The following KCNG1 variants were observed in gnomAD, a reference collection of about 807,000 sequenced individuals.
KCNG1 encodes voltage-gated potassium channel regulatory subunit KCNG1.
In KCNG1, 17 loss-of-function variants were observed where a neutral mutation model predicts 32.4. The ratio of observed to expected loss-of-function variants is 0.52; its 90% confidence interval spans 0.36 to 0.79. The LOEUF (loss-of-function observed/expected upper bound fraction) is 0.79, where lower values mean the gene tolerates loss of function less well. Among genes scored for constraint, KCNG1 ranks in the 30% least tolerant of loss-of-function variants. KCNG1 has a pLI of 0.00. For missense variants in KCNG1, 441 were observed against 735.2 expected, an observed-to-expected ratio of 0.60 and a Z score of 4.63; for synonymous variants, 358 against 339.9, an observed-to-expected ratio of 1.05 and a Z score of -0.59.
intron 1 of KCNG1, among the ~76,000 whole-genome samples, chr20:51,021,535 G>T (rs201573546): frequency 6.6e-6 from 1 of 152,120 alleles, no homozygotes; most frequent in African/African-American, 2.4e-5. Flanking sequence ...ACACACTAAT[G>T]AATAAACCTC....
In KCNG1 at chr20:51,011,054, G is replaced by A. The variant is rs568076297; in HGVS notation, c.-26-690C>T. On this transcript the variant is annotated intron_variant, in intron 1 of 2. Transcript: ENST00000371571. ...GCGCCCTGCTCTCAGACTTGCAGCC[G>A]GCAGAACTGGGAGAAATAAGTGTTG... is the stretch of plus-strand genomic sequence containing the variant. Among the ~76,000 whole-genome samples, 90 of 152,286 alleles carry A rather than the reference G, an allele frequency of 5.9e-4. 1 individual carries two copies. The South Asian group carries it at 0.017, about 29-fold the overall frequency.
At position 51,009,922 on chromosome 20, in the gene KCNG1, C is replaced by T. The variant is rs34416332; in HGVS notation, c.417G>A (p.Leu139=). Reference sequence around the variant, plus strand: ...GGAAGGACAGCGCGCACATCTCGCGCAGCAGCCGCAGCTTGCCCGCGCGCA... The same window carrying T: ...GGAAGGACAGCGCGCACATCTCGCGTAGCAGCCGCAGCTTGCCCGCGCGCA... ...TFLRAGKLRL[L]REMCALSFQE... The change falls in exon 2 of 3, where the codon CTG becomes CTA. Residue 139 remains leucine, a synonymous_variant. Coordinates refer to ENST00000371571, the MANE Select transcript of KCNG1 (RefSeq NM_002237.4). The T allele has an allele frequency of 1.4e-3, 2,312 of 1,613,616 alleles. 27 individuals are homozygous for T. The African/African-American group carries it at 0.027, about 19-fold the overall frequency.
chr20:51,004,685 C>A lies in KCNG1; in HGVS notation c.896G>T (p.Ser299Ile). ...CACCAGGTCGATCAGCGTCAGCGGG[C>A]TCCGCAGGAAGGCGAACTTGCTGGG... ...QAPSKFAFLR[S>I]PLTLIDLVAI... The change falls in exon 3 of 3, where the codon AGC (serine) becomes ATC (isoleucine). Residue 299 changes from serine to isoleucine, a missense_variant. This residue lies in a region of KCNG1 where 169 missense variants were observed against 297.7 expected (regional missense o/e 0.57). Coordinates refer to ENST00000371571, the MANE Select transcript of KCNG1 (RefSeq NM_002237.4). This position sits in a 1 kb window ranked among gnomAD's most constrained non-coding sequence, Gnocchi z 4.3. The A allele has an allele frequency of 6.2e-7, 1 of 1,601,940 alleles. No homozygotes were observed. Among genetic ancestry groups the A allele is most frequent in the Non-Finnish European group, 8.5e-7 (1 of 1,174,276 alleles).
In KCNG1 at chr20:51,010,906, AC is replaced by A. The variant is rs1988063955; in HGVS notation, c.-26-543del. ...CAAGACTCCATCTCAAAAAATAAAA[AC>A]AAAACAAAACAAAACAAAACAAAAA... On this transcript the variant is annotated intron_variant, in intron 1 of 2. Coordinates refer to ENST00000371571, the MANE Select transcript of KCNG1 (RefSeq NM_002237.4). 2.0e-5 allele frequency among the ~76,000 whole-genome samples: 3 copies of A among 146,604 alleles called. No homozygotes were observed. The South Asian group carries it at 6.5e-4, about 32-fold the overall frequency.
In KCNG1 at chr20:51,009,868, C is replaced by A; in HGVS notation, c.471G>T (p.Ala157=). 1 of 1,613,494 alleles carries A rather than the reference C, an allele frequency of 6.2e-7. No individual in the cohort carries two copies. The highest frequency in any genetic ancestry group is 1.3e-5 in the African/African-American group (1 of 75,060). Residue 157 remains alanine, a synonymous_variant, in exon 2 of 3, where the codon GCG becomes GCT. Transcript: ENST00000371571. ...TGCAGCAGCCGTCCAGGTGGTCCTC[C>A]GCGATGCCCCAGTACAGCAGCTCCT... The part of the protein sequence containing the change: ...FQEELLYWGI[A]EDHLDGCCKR...
intron 2 of KCNG1, chr20:51,007,004 C>G (rs1359745921): frequency 6.6e-6 from 1 of 152,304 alleles, no homozygotes; most frequent in African/African-American, 2.4e-5. Flanking sequence ...GAATTCAGGC[C>G]ATCTGGCTCT....
At chr20:51,011,899 C>A (rs1352928165) in intron 1 of KCNG1, among the ~76,000 whole-genome samples, 1 of 152,210 alleles carries the variant, frequency 6.6e-6, no homozygotes, top group Admixed American at 6.5e-5. Flanking sequence ...CGGGTTCAAG[C>A]AATTCTCGTG....
chr20:51,015,403 G>T lies in KCNG1; in HGVS notation c.-26-5039C>A, dbSNP rs1350985782. On this transcript the variant is annotated intron_variant, in intron 1 of 2. Transcript: ENST00000371571. This position sits in a 1 kb window ranked among gnomAD's most constrained non-coding sequence, Gnocchi z 4.4. ...CTGGCAAAATCCAGGAGAGAGGGGGGAGATGGGTGTCTCCCAAGGACGGTG... is the reference window on the plus strand; with the variant it reads ...CTGGCAAAATCCAGGAGAGAGGGGGTAGATGGGTGTCTCCCAAGGACGGTG... 6.6e-6 allele frequency among the ~76,000 whole-genome samples: 1 copy of T among 152,214 alleles called. No homozygotes were observed. The highest frequency in any genetic ancestry group is 1.5e-5 in the Non-Finnish European group (1 of 68,034).
At chr20:51,017,934 AG>A (rs1988338850) in intron 1 of KCNG1, among the ~76,000 whole-genome samples, 1 of 152,220 alleles carries the variant, frequency 6.6e-6, no homozygotes. Context: ...ATTTCCATTC[AG>A]GAGCCCAGAG....
rs1253634255 is a variant in KCNG1 at position 51,015,112 on chromosome 20, G to A, written c.-26-4748C>T. Among the ~76,000 whole-genome samples, 1 of 152,158 alleles carries A rather than the reference G, an allele frequency of 6.6e-6. No homozygotes were observed. Among genetic ancestry groups the A allele is most frequent in the Non-Finnish European group, 1.5e-5 (1 of 68,026 alleles). ...GTCAGTGGACAACGAGTGGGCTGGGGAGCCCAGGCTGGAGGCTATGGAAGT... is the reference window on the plus strand; with the variant it reads ...GTCAGTGGACAACGAGTGGGCTGGGAAGCCCAGGCTGGAGGCTATGGAAGT... On this transcript the variant is annotated intron_variant, in intron 1 of 2. Coordinates refer to ENST00000371571, the MANE Select transcript of KCNG1 (RefSeq NM_002237.4). The surrounding 1 kb of genome is among the most constrained non-coding windows in gnomAD (Gnocchi z 4.4).
chr20:51,020,471 A>G (rs543627436), intron 1 of KCNG1, among the ~76,000 whole-genome samples: 15 of 152,284 alleles, frequency 9.9e-5, no homozygotes, highest in African/African-American at 3.4e-4. Context: ...ATTTGTAGCA[A>G]AGTCACTTCA....
intron 2 of KCNG1, chr20:51,006,720 C>T (rs1246201374): frequency 1.3e-5 from 2 of 152,232 alleles, no homozygotes; most frequent in Non-Finnish European, 2.9e-5. Flanking sequence ...TTAGTAGAGA[C>T]AGGGTTTCTC....
In KCNG1 at chr20:51,004,346, G is replaced by A; in HGVS notation, c.1235C>T (p.Pro412Leu). ...GATGACAGCCCACCAGTAGCAGGCA[G>A]GGATGCTGGTGAACTCGGGGCTGTC... ...MADSPEFTSI[P>L]ACYWWAVITM... The change falls in exon 3 of 3, where the codon CCT (proline) becomes CTT (leucine). Residue 412 changes from proline to leucine, a missense_variant. By Grantham distance (98) the Pro-to-Leu change is moderately conservative. Around this residue, in one of 6 missense-constraint regions of KCNG1, gnomAD observed 169 missense variants for 297.7 expected, o/e 0.57. Transcript: ENST00000371571. The surrounding 1 kb of genome is among the most constrained non-coding windows in gnomAD (Gnocchi z 4.3). 6.2e-7 allele frequency: 1 copy of A among 1,613,946 alleles called. No homozygotes were observed. The highest frequency in any genetic ancestry group is 8.5e-7 in the Non-Finnish European group (1 of 1,179,832).
chr20:51,011,885 G>A (rs565640928), intron 1 of KCNG1, among the ~76,000 whole-genome samples: 9 of 152,254 alleles, frequency 5.9e-5, no homozygotes, highest in Non-Finnish European at 7.4e-5. Context: ...CAATCTCCGC[G>A]CCGCGGGTTC....
intron 1 of KCNG1, among the ~76,000 whole-genome samples, chr20:51,020,007 C>T (rs1353218287): frequency 2.0e-5 from 3 of 152,194 alleles, no homozygotes; most frequent in African/African-American, 7.2e-5. Flanking sequence ...TGGGCCTTGG[C>T]CCAGCCTCCT....
chr20:51,016,437 GA>G (rs372231680), intron 1 of KCNG1, among the ~76,000 whole-genome samples: 12 of 147,262 alleles, frequency 8.1e-5, no homozygotes, highest in East Asian at 2.0e-4. Flanking sequence ...ACTCTGTCTT[GA>G]AAAAAAAAAG....
At position 51,010,093 on chromosome 20, in the gene KCNG1, G is replaced by A. The variant is rs773495497; in HGVS notation, c.246C>T (p.Asp82=). The change falls in exon 2 of 3, where the codon GAC becomes GAT. Residue 82 remains aspartate, a synonymous_variant. Coordinates refer to ENST00000371571, the MANE Select transcript of KCNG1 (RefSeq NM_002237.4). ...IKYSLPWTTL[D]EFPLTRLGQL... ...GGCCCAGGCGCGTCAGCGGGAACTCGTCCAGCGTGGTCCAGGGCAGCGAGT... is the reference window on the plus strand; with the variant it reads ...GGCCCAGGCGCGTCAGCGGGAACTCATCCAGCGTGGTCCAGGGCAGCGAGT... 26 of 1,613,854 alleles carry A rather than the reference G, an allele frequency of 1.6e-5. No individual in the cohort carries two copies. The highest frequency in any genetic ancestry group is 8.5e-7 in the Non-Finnish European group (1 of 1,180,002).
At chr20:51,019,575 G>A (rs1367946550) in intron 1 of KCNG1, among the ~76,000 whole-genome samples, 2 of 152,174 alleles carry the variant, frequency 1.3e-5, no homozygotes, top group Non-Finnish European at 2.9e-5. Flanking sequence ...GTGCAAGTAT[G>A]TGAAAGGAGG....
At chr20:51,020,116 C>T in intron 1 of KCNG1, among the ~76,000 whole-genome samples, 1 of 152,168 alleles carries the variant, frequency 6.6e-6, no homozygotes, top group Non-Finnish European at 1.5e-5. Context: ...GTGCCAGTGT[C>T]CCTCCCCCCT....
Sources: allele counts gnomAD v4.1 joint callset (sites outside exome capture counted in the v4.1 genomes callset), GRCh38; gene constraint gnomAD v4.1.1; regional missense constraint gnomAD v4.1.1; non-coding constraint Gnocchi (gnomAD v3.1); transcripts MANE v1.5; gene names NCBI Gene and HGNC (gene_info 2026-07-23, HGNC 2026-07-21).